Variants in GALNT13 observed in about 807,000 individuals in gnomAD.
GALNT13 encodes the protein UDP-GalNAc:polypeptide N-acetylgalactosaminyltransferase 13.
A neutral mutation model predicts 64.2 loss-of-function variants in GALNT13; 28 were observed. That is an observed-to-expected ratio of 0.44 (90% CI 0.32 to 0.60). The LOEUF (loss-of-function observed/expected upper bound fraction) is 0.60. GALNT13 is among the 20% of genes least tolerant of loss of function. The pLI, the probability that GALNT13 is intolerant of heterozygous loss-of-function variation, is 0.05. For synonymous variants in GALNT13, 214 were observed against 224.6 expected, an observed-to-expected ratio of 0.95 and a Z score of 0.42; for missense variants, 577 against 669.8, an observed-to-expected ratio of 0.86 and a Z score of 1.53.
At chr2:153,795,965 G>A in the GALNT13 span, among the ~76,000 whole-genome samples, 11 of 152,240 alleles carry the variant, frequency 7.2e-5, no homozygotes, top group South Asian at 6.2e-4. Flanking sequence ...CTGTTCTTGC[G>A]TGTTTTCACC....
chr2:153,968,356 G>T (rs990328739), intron 3 of GALNT13, among the ~76,000 whole-genome samples: 55 of 152,228 alleles, frequency 3.6e-4, no homozygotes, highest in Admixed American at 2.9e-3. Flanking sequence ...TACTGTGACA[G>T]AATGGCCCTG....
chr2:153,466,894 T>G, the GALNT13 span, among the ~76,000 whole-genome samples: 3 of 151,986 alleles, frequency 2.0e-5, no homozygotes, highest in African/African-American at 7.2e-5. Context: ...GCAATGGGAA[T>G]GGAGACTACC....
At chr2:153,798,957 TACTG>T in the GALNT13 span, among the ~76,000 whole-genome samples, 4 of 152,162 alleles carry the variant, frequency 2.6e-5, no homozygotes, top group African/African-American at 9.6e-5. Flanking sequence ...ACCCGAGAAA[TACTG>T]ACATATTATT....
chr2:153,478,737 G>T, the GALNT13 span: 1 of 610,250 alleles, frequency 1.6e-6, no homozygotes, highest in Non-Finnish European at 2.9e-6. Flanking sequence ...GAGCCTCTCC[G>T]ACGCGCGCAG....
At chr2:153,880,129 T>C (rs548679549) in intron 1 of GALNT13, among the ~76,000 whole-genome samples, 4 of 152,286 alleles carry the variant, frequency 2.6e-5, no homozygotes, top group South Asian at 4.1e-4. Context: ...CCTCATAAGA[T>C]CTTTAAGTTA....
chr2:153,442,043 T>C, the GALNT13 span, among the ~76,000 whole-genome samples: 2 of 152,202 alleles, frequency 1.3e-5, no homozygotes, highest in Admixed American at 1.3e-4. Context: ...AAGGGAATGC[T>C]TCCAGCTTTT....
At chr2:153,800,107 A>G in the GALNT13 span, among the ~76,000 whole-genome samples, 1 of 133,754 alleles carries the variant, frequency 7.5e-6, no homozygotes, top group African/African-American at 2.7e-5. Context: ...CCACACACAC[A>G]TGCATATCTC....
chr2:153,488,053 A>T, the GALNT13 span, among the ~76,000 whole-genome samples: 1 of 152,222 alleles, frequency 6.6e-6, no homozygotes, highest in East Asian at 1.9e-4. Flanking sequence ...AATAAATCAT[A>T]CCAGAGATGC....
At chr2:153,157,826 G>A in the GALNT13 span, among the ~76,000 whole-genome samples, 1 of 152,066 alleles carries the variant, frequency 6.6e-6, no homozygotes, top group Non-Finnish European at 1.5e-5. Context: ...AAAAACACAA[G>A]TATAACAAGG....
the GALNT13 span, among the ~76,000 whole-genome samples, chr2:153,441,731 T>A: frequency 6.6e-6 from 1 of 152,208 alleles, no homozygotes; most frequent in African/African-American, 2.4e-5. Context: ...AGTTCACTCA[T>A]GACTTGACTC....
At chr2:154,415,832 G>C (rs1427765967) in intron 11 of GALNT13, among the ~76,000 whole-genome samples, 1 of 152,078 alleles carries the variant, frequency 6.6e-6, no homozygotes, top group Non-Finnish European at 1.5e-5. Flanking sequence ...TATAAGTACT[G>C]TAATTACTTA....
chr2:153,778,177 G>A, the GALNT13 span, among the ~76,000 whole-genome samples: 5 of 152,142 alleles, frequency 3.3e-5, no homozygotes, highest in African/African-American at 9.6e-5. Context: ...TGTTCCTCTC[G>A]ATGTCCAGCT....
At chr2:154,223,970 T>G (rs1480560044) in intron 4 of GALNT13, among the ~76,000 whole-genome samples, 1 of 152,114 alleles carries the variant, frequency 6.6e-6, no homozygotes, top group Non-Finnish European at 1.5e-5. Context: ...TTCATTGCAC[T>G]TCAGAAAATG....
At chr2:154,190,423 AACCAAAT>A (rs1408005682) in intron 4 of GALNT13, among the ~76,000 whole-genome samples, 2 of 152,228 alleles carry the variant, frequency 1.3e-5, no homozygotes, top group Non-Finnish European at 2.9e-5. Flanking sequence ...GGTTAAAAAG[AACCAAAT>A]ATAATTATAG....
At chr2:154,399,345 A>G (rs1699196128) in intron 10 of GALNT13, among the ~76,000 whole-genome samples, 1 of 152,166 alleles carries the variant, frequency 6.6e-6, no homozygotes, top group Non-Finnish European at 1.5e-5. Flanking sequence ...TATAAATAAT[A>G]TAAATTTATT....
the GALNT13 span, among the ~76,000 whole-genome samples, chr2:153,266,319 G>A: frequency 1.3e-5 from 2 of 152,192 alleles, no homozygotes; most frequent in Admixed American, 6.5e-5. Context: ...TAGAGAAAAC[G>A]TGCTTCCCTA....
At chr2:153,313,788 A>C in the GALNT13 span, among the ~76,000 whole-genome samples, 308 of 152,380 alleles carry the variant, frequency 2.0e-3, 2 homozygotes, top group African/African-American at 7.1e-3. Flanking sequence ...TAGAAATATT[A>C]ACACTTATGT....
At chr2:154,340,319 G>A (rs1216428046) in intron 9 of GALNT13, among the ~76,000 whole-genome samples, 12 of 152,028 alleles carry the variant, frequency 7.9e-5, no homozygotes, top group Admixed American at 7.9e-4. Context: ...GGACTCTTGA[G>A]CTCAAATGAT....
chr2:153,332,137 C>T, the GALNT13 span, among the ~76,000 whole-genome samples: 18 of 151,860 alleles, frequency 1.2e-4, no homozygotes, highest in Admixed American at 5.9e-4. Context: ...TTTTTTGTTG[C>T]GTTGATTCTT....
Sources: allele counts gnomAD v4.1 joint callset (sites outside exome capture counted in the v4.1 genomes callset), GRCh38; gene constraint gnomAD v4.1.1; transcripts MANE v1.5; gene names NCBI Gene and HGNC (gene_info 2026-07-23, HGNC 2026-07-21).